Variants in KDM5C observed in about 807,000 individuals in gnomAD.
KDM5C encodes lysine demethylase 5C.
A neutral mutation model predicts 110.6 loss-of-function variants in KDM5C; 16 were observed. The ratio of observed to expected loss-of-function variants is 0.14; its 90% CI spans 0.10 to 0.22. The LOEUF (loss-of-function observed/expected upper bound fraction) is 0.22, where lower values mean the gene tolerates loss of function less well. Ranked by LOEUF, KDM5C falls within the 10% of genes least tolerant of loss-of-function variation. The pLI is 1.00. For synonymous variants in KDM5C, 511 were observed against 520.4 expected, an observed-to-expected ratio of 0.98 and a Z score of 0.24; for missense variants, 681 against 1,300.9, an observed-to-expected ratio of 0.52 and a Z score of 7.33.
At chrX:53,190,166 G>A (rs187964192), downstream of KDM5C, among the ~76,000 whole-genome samples, 501 of 112,543 alleles carry the variant, frequency 4.5e-3, no homozygotes, top group Non-Finnish European at 8.0e-3. Context: ...TCCCTTTCTA[G>A]GGGAGTATCT....
chrX:53,207,738 CAGG>C (rs1556846350), intron 12 of KDM5C, among the ~76,000 whole-genome samples: 1 of 110,568 alleles, frequency 9.0e-6, no homozygotes, highest in Non-Finnish European at 1.9e-5. Flanking sequence ...CACCTGAGGT[CAGG>C]AGTTCGAGAC....
exon 26 of KDM5C, among the ~76,000 whole-genome samples, chrX:53,176,302 C>T (rs782130196): frequency 8.9e-6 from 1 of 111,743 alleles, no homozygotes; most frequent in Non-Finnish European, 1.9e-5. Flanking sequence ...AGCTTTAATG[C>T]CAGTAATGTC....
At chrX:53,220,734 G>A (rs2073872095) in intron 2 of KDM5C, 105 bp downstream of exon 2, 2 of 641,226 alleles carry the variant, frequency 3.1e-6, no homozygotes, top group Non-Finnish European at 5.1e-6. Context: ...GAGAATAAAG[G>A]CCTAGCTAGG....
At position 53,192,706 on chromosome X, in the gene KDM5C, T is replaced by C; in HGVS notation, c.*261A>G. On this transcript the variant is annotated 3_prime_UTR_variant, in exon 26 of 26. Coordinates refer to ENST00000375401, the MANE Select transcript of KDM5C (RefSeq NM_004187.5). Reference sequence around the variant, plus strand: ...ACCCCCCTGCCCACCAGCCCATCCATCTATCTGCCTCAGGTGTCTGGGAAT... The same window carrying C: ...ACCCCCCTGCCCACCAGCCCATCCACCTATCTGCCTCAGGTGTCTGGGAAT... 1.0e-6 allele frequency: 1 copy of C among 998,385 alleles called. No individual in the cohort carries two copies. Among genetic ancestry groups the C allele is most frequent in the Non-Finnish European group, 1.4e-6 (1 of 734,328 alleles). The allele number at this position is 998,385 out of a possible 1,213,427, so 82.3% of individuals were successfully genotyped here. A position where few individuals can be genotyped will look rare whatever the true frequency, so the allele number is the denominator to read the frequency against.
chrX:53,204,022 C>T (rs781813560), intron 12 of KDM5C, among the ~76,000 whole-genome samples: 2 of 111,364 alleles, frequency 1.8e-5, no homozygotes, highest in African/African-American at 6.5e-5. Flanking sequence ...GGATTACAGG[C>T]GTGAGCCACT....
At chrX:53,221,088 A>C (rs2073886686) in intron 1 of KDM5C, among the ~76,000 whole-genome samples, 172 bp from the exon 2 acceptor site, 2 of 53,426 alleles carry the variant, frequency 3.7e-5, no homozygotes, top group South Asian at 1.4e-3. Context: ...TCCCCCCAGA[A>C]CTCACAAGAG....
chrX:53,177,875 T>G (rs1933923029), intron 25 of KDM5C, among the ~76,000 whole-genome samples: 1 of 111,859 alleles, frequency 8.9e-6, no homozygotes, highest in Non-Finnish European at 1.9e-5. Flanking sequence ...AAAAACCCTT[T>G]ATTTTCAGGG....
intron 5 of KDM5C, among the ~76,000 whole-genome samples, 166 bp downstream of exon 5, chrX:53,216,977 G>C (rs2073760069): frequency 8.9e-6 from 1 of 112,042 alleles, no homozygotes; most frequent in Non-Finnish European, 1.9e-5. Flanking sequence ...TCAGCTGAGA[G>C]GGGAGAAAAA....
At chrX:53,202,047 AAT>A in intron 12 of KDM5C, 74 bp from the exon 13 acceptor site, 3 of 1,138,413 alleles carry the variant, frequency 2.6e-6, no homozygotes, top group Non-Finnish European at 3.6e-6. Flanking sequence ...AGTGCAAGGT[AAT>A]TAAGGAGACA....
chrX:53,216,049 G>A, intron 6 of KDM5C, 25 bp downstream of exon 6: 1 of 1,212,160 alleles, frequency 8.2e-7, no homozygotes, highest in Non-Finnish European at 1.1e-6. Flanking sequence ...CCCAGGTGAG[G>A]CCACCCCAGC....
At chrX:53,176,415 T>C (rs1933885316) in exon 26 of KDM5C, among the ~76,000 whole-genome samples, 1 of 110,742 alleles carries the variant, frequency 9.0e-6, no homozygotes, top group Non-Finnish European at 1.9e-5. Flanking sequence ...TAGGGAGGAG[T>C]AAGGAAGAGG....
rs782432284 is a variant in KDM5C, at chrX:53,178,951, A to T, written c.4309-2329T>A. 2.7e-5 allele frequency among the ~76,000 whole-genome samples: 3 copies of T among 110,443 alleles called. No homozygotes were observed. In the South Asian group the frequency reaches 1.2e-3, roughly 42 times the overall value. On this transcript the variant is annotated intron_variant, in intron 25 of 25. Transcript: ENST00000685641. Reference sequence around the variant, plus strand: ...CATCTCTACTAAAAACACAAAAATTAAATCCGGGGGTGGTGGCTCACGCCT... The same window carrying T: ...CATCTCTACTAAAAACACAAAAATTTAATCCGGGGGTGGTGGCTCACGCCT...
Position 53,194,834 on chromosome X carries a change from C to A in KDM5C, c.3439-96G>T. On this transcript the variant is annotated intron_variant, in intron 22 of 25. Coordinates refer to ENST00000375401, the MANE Select transcript of KDM5C (RefSeq NM_004187.5). ...CACCCCCACTCCCAAACCAGGAGAA[C>A]TGAGGCTCAGGGGACAAGCGGTCTG... 4 of 1,194,313 alleles carry A rather than the reference C, an allele frequency of 3.3e-6. No homozygotes were observed. In the South Asian group the frequency reaches 5.4e-5, roughly 16 times the overall value.
chrX:53,218,812 A>C (rs2073821878), intron 2 of KDM5C: 1 of 262,349 alleles, frequency 3.8e-6, no homozygotes, highest in African/African-American at 2.8e-5. Context: ...AAGCTCAAGC[A>C]ATCCATCCAC....
At chrX:53,224,175 T>A (rs1569284839) in intron 1 of KDM5C, among the ~76,000 whole-genome samples, 1 of 111,999 alleles carries the variant, frequency 8.9e-6, no homozygotes, top group Non-Finnish European at 1.9e-5. Flanking sequence ...GCGTACTACA[T>A]ACAGACGCTA....
In KDM5C at chrX:53,221,582, A is replaced by C; in HGVS notation, c.151-666T>G. On this transcript the variant is annotated intron_variant, in intron 1 of 25. Transcript: ENST00000375401. ...GTAGCTCAGGTCCGATTGTGGCAGG[A>C]CGTAAAGGTTTGGGCCTTTAATGTT... The C allele has an allele frequency of 7.8e-6, 3 of 382,940 alleles. No individual in the cohort carries two copies. The Admixed American group carries it at 9.4e-5, about 12-fold the overall frequency. 31.6% of individuals were successfully genotyped at this position (382,940 alleles called of 1,213,427 possible). A position where few individuals can be genotyped will look rare whatever the true frequency, so the allele number is the denominator to read the frequency against.
At chrX:53,180,886 G>A (rs1181265786) in intron 25 of KDM5C, among the ~76,000 whole-genome samples, 2 of 108,099 alleles carry the variant, frequency 1.9e-5, no homozygotes, top group African/African-American at 6.7e-5. Flanking sequence ...CCGCCACCAC[G>A]CCTGGCTAAT....
chrX:53,216,083 G>T lies in KDM5C; in HGVS notation c.772C>A (p.Arg258=). 8.2e-7 allele frequency: 1 copy of T among 1,212,262 alleles called. No individual in the cohort carries two copies. The highest frequency in any genetic ancestry group is 1.1e-6 in the Non-Finnish European group (1 of 895,603). The part of the protein sequence containing the change: ...LGLMAKDKTL[R]KKDKEGPECP... The stretch of plus-strand genomic sequence containing the variant: ...GCCTGTTAGGCCTTACCTTTCTTCC[G>T]CAGAGTCTTGTCTTTGGCCATGAGG... The change falls in exon 6 of 26, where the codon CGG becomes AGG. Residue 258 remains arginine, a synonymous_variant. Transcript: ENST00000375401.
chrX:53,207,586 T>C (rs190179877), intron 12 of KDM5C, among the ~76,000 whole-genome samples: 169 of 112,011 alleles, frequency 1.5e-3, no homozygotes, highest in African/African-American at 5.4e-3. Context: ...TGCTTAGATG[T>C]TTACAGTGGA....
Sources: gnomAD v4.1 joint callset for allele counts (sites outside exome capture counted in the v4.1 genomes callset) on GRCh38, gnomAD v4.1.1 for gene constraint, MANE v1.5 for transcripts, NCBI Gene and HGNC (gene_info 2026-07-23, HGNC 2026-07-21) for gene names.